The following GNAT2 variants were observed in gnomAD, a reference collection of about 807,000 sequenced individuals.
The protein encoded by GNAT2 is G protein subunit alpha transducin 2.
Under a neutral mutation model 40.9 loss-of-function variants are expected in GNAT2, and 32 were observed. That is an observed-to-expected ratio of 0.78 (90% CI 0.59 to 1.05). The LOEUF is 1.05. Ranked by LOEUF, GNAT2 falls within the 50% of genes least tolerant of loss-of-function variation. The pLI, the probability that GNAT2 is intolerant of heterozygous loss-of-function variation, is 0.00. For missense variants in GNAT2, 355 were observed against 431.5 expected, an observed-to-expected ratio of 0.82 and a Z score of 1.57; for synonymous variants, 141 against 157.2, an observed-to-expected ratio of 0.90 and a Z score of 0.77.
At chr1:109,613,107 T>C (rs1340043575) in intron 1 of GNAT2, 184 bp from the exon 2 acceptor site, 2 of 517,928 alleles carry the variant, frequency 3.9e-6, no homozygotes, top group Admixed American at 6.1e-5. Flanking sequence ...GATTGTAGCC[T>C]TTATATCTAG....
At chr1:109,616,438 C>T (rs1192215166) in intron 1 of GNAT2, 1 of 152,238 alleles carries the variant, frequency 6.6e-6, no homozygotes, top group Non-Finnish European at 1.5e-5. Context: ...GTTAAGGGAT[C>T]TGTCTGACAT....
intron 7 of GNAT2, chr1:109,604,318 T>G: frequency 1.7e-6 from 1 of 574,840 alleles, no homozygotes; most frequent in East Asian, 3.0e-5. Context: ...TGGAAAATTA[T>G]TGAGCTTTTT....
chr1:109,610,022 A>C lies in GNAT2; in HGVS notation c.303+18T>G, dbSNP rs754796051. 2 of 1,613,056 alleles carry C rather than the reference A, an allele frequency of 1.2e-6. No individual in the cohort carries two copies. Among genetic ancestry groups the C allele is most frequent in the Non-Finnish European group, 8.5e-7 (1 of 1,179,176 alleles). ...CCTTTCTGCTTCCACCCTTAACCAC[A>C]TAATAGTAATCACATACCGCACAGC... On this transcript the variant is annotated intron_variant, in intron 4 of 8. Transcript: ENST00000679935.
At chr1:109,606,740 G>C (rs965301459) in intron 5 of GNAT2, 1 of 371,600 alleles carries the variant, frequency 2.7e-6, no homozygotes, top group Admixed American at 3.9e-5. Context: ...ATGAGATTTA[G>C]TGGGTGCTAA....
intron 5 of GNAT2, 53 bp downstream of exon 5, chr1:109,608,578 C>T: frequency 6.4e-7 from 1 of 1,565,466 alleles, no homozygotes; most frequent in Admixed American, 1.7e-5. Context: ...AGAGAGAAGA[C>T]TGGCTAGAAG....
chr1:109,604,807 C>G (rs1649542826), intron 7 of GNAT2: 1 of 154,110 alleles, frequency 6.5e-6, no homozygotes, highest in African/African-American at 2.4e-5. Context: ...GTTCAGTCTA[C>G]TTATCTAATA....
intron 1 of GNAT2, chr1:109,613,595 A>G (rs1448591626): frequency 6.5e-6 from 1 of 153,184 alleles, no homozygotes; most frequent in Non-Finnish European, 1.5e-5. Flanking sequence ...ACGTCGTTTT[A>G]CAAATCTTTT....
intron 6 of GNAT2, 66 bp from the exon 7 acceptor site, chr1:109,606,165 AC>A (rs1649586488): frequency 6.3e-7 from 1 of 1,594,922 alleles, no homozygotes; most frequent in Non-Finnish European, 8.6e-7. Context: ...TTTGATGGTC[AC>A]CCCGTGAAGT....
chr1:109,605,847 T>G, intron 7 of GNAT2, 123 bp downstream of exon 7: 3 of 845,604 alleles, frequency 3.5e-6, no homozygotes, highest in Non-Finnish European at 6.2e-6. Flanking sequence ...CATTGATTGG[T>G]CTGCTGGAGG....
At chr1:109,613,690 G>A (rs57549230) in intron 1 of GNAT2, 1 of 152,414 alleles carries the variant, frequency 6.6e-6, no homozygotes, top group East Asian at 1.9e-4. Context: ...TTTATTTGTG[G>A]ATCAAAAGGT....
chr1:109,605,622 G>T, intron 7 of GNAT2: 1 of 335,648 alleles, frequency 3.0e-6, no homozygotes. Context: ...CCTTCCTTAG[G>T]CAATTTGGGA....
chr1:109,608,910 T>C, intron 4 of GNAT2, 122 bp from the exon 5 acceptor site: 2 of 796,744 alleles, frequency 2.5e-6, no homozygotes, highest in Non-Finnish European at 4.3e-6. Flanking sequence ...GGAAGCAGTA[T>C]CCAGTGAAGA....
chr1:109,612,626 CTG>C (rs2101130483), intron 2 of GNAT2, 125 bp downstream of exon 2: 3 of 744,140 alleles, frequency 4.0e-6, no homozygotes, highest in East Asian at 2.5e-5. Context: ...CCTAGCCAGA[CTG>C]TGTAGAGGAG....
intron 2 of GNAT2, 60 bp from the exon 3 acceptor site, chr1:109,610,567 A>G: frequency 6.8e-7 from 1 of 1,463,364 alleles, no homozygotes; most frequent in Non-Finnish European, 9.6e-7. Context: ...CTTCCAGGAG[A>G]TGGCCTGGGA....
rs746250209 is a variant in GNAT2, at chr1:109,604,029, G to C, written c.796C>G (p.Leu266Val). The stretch of plus-strand genomic sequence containing the variant: ...AAGAGGTCCTTCTTGTTGAGAAAGA[G>C]GACAATGGAAGTAGCCGCAAAGAAT... ...HKFFAATSIV[L>V]FLNKKDLFEE... Residue 266 changes from leucine (L) to valine (V), a missense_variant, in exon 8 of 9, where the codon CTC becomes GTC. Physicochemically the swap from Leu to Val is conservative, Grantham distance 32. Transcript: ENST00000679935. 1 of 1,608,396 alleles carries C rather than the reference G, an allele frequency of 6.2e-7. No individual in the cohort carries two copies. Among genetic ancestry groups the C allele is most frequent in the Admixed American group, 1.7e-5 (1 of 60,006 alleles).
intron 7 of GNAT2, 120 bp from the exon 8 acceptor site, chr1:109,604,224 CA>C: frequency 2.6e-6 from 2 of 772,822 alleles, no homozygotes; most frequent in Non-Finnish European, 4.5e-6. Context: ...AGACAGAGAA[CA>C]GCTTATCTCA....
chr1:109,610,532 TC>T, intron 2 of GNAT2, 25 bp from the exon 3 acceptor site: 1 of 1,609,416 alleles, frequency 6.2e-7, no homozygotes, highest in Non-Finnish European at 8.5e-7. Context: ...GCTTATGCTT[TC>T]GATTTCCACC....
rs140231308 is a variant in GNAT2, at chr1:109,606,072, G to A, written c.618C>T (p.Ser206=). 2.5e-6 allele frequency: 4 copies of A among 1,613,646 alleles called. No individual in the cohort carries two copies. Among genetic ancestry groups the A allele is most frequent in the African/African-American group, 2.7e-5 (2 of 74,884 alleles). ...FRMFDVGGQR[S]ERKKWIHCFE... is the part of the protein sequence containing the mutation. ...AGCAGTGGATCCACTTCTTTCTCTCGGATCTCTGCCCTCCCACATCAAACA... is the reference window on the plus strand; with the variant it reads ...AGCAGTGGATCCACTTCTTTCTCTCAGATCTCTGCCCTCCCACATCAAACA... Residue 206 remains serine, a synonymous_variant, in exon 7 of 9, where the codon TCC becomes TCT. Transcript: ENST00000679935.
chr1:109,606,815 A>C, intron 5 of GNAT2: 1 of 278,240 alleles, frequency 3.6e-6, no homozygotes, highest in East Asian at 9.1e-5. Context: ...CAACACATGG[A>C]CTTTGTTTAT....
Sources: gnomAD v4.1 joint callset for allele counts on GRCh38, gnomAD v4.1.1 for gene constraint, MANE v1.5 for transcripts, NCBI Gene and HGNC (gene_info 2026-07-23, HGNC 2026-07-21) for gene names.